STON2: variants seen among roughly 807,000 people sequenced by gnomAD.
STON2 encodes the protein stonin-2.
In STON2, 29 loss-of-function variants were observed where a neutral mutation model predicts 65.7. The observed-to-expected ratio is 0.44, with a 90% CI of 0.33 to 0.60. STON2 has a LOEUF of 0.60. STON2 is among the 20% of genes least tolerant of loss of function. The pLI, the probability that STON2 is intolerant of heterozygous loss-of-function variation, is 0.03. For synonymous variants in STON2, 404 were observed against 414.2 expected, an observed-to-expected ratio of 0.98 and a Z score of 0.30; for missense variants, 1,054 against 1,118.1, an observed-to-expected ratio of 0.94 and a Z score of 0.82.
chr14:81,319,500 C>T (rs1178935634), intron 5 of STON2, among the ~76,000 whole-genome samples: 1 of 152,104 alleles, frequency 6.6e-6, no homozygotes, highest in Non-Finnish European at 1.5e-5. Context: ...GGTTAGTTTG[C>T]TTTTGGCCAA....
chr14:81,331,359 T>C (rs564526254), intron 4 of STON2, among the ~76,000 whole-genome samples: 21 of 152,256 alleles, frequency 1.4e-4, no homozygotes, highest in African/African-American at 4.8e-4. Context: ...TTTTAATTAT[T>C]CCACTCAGAG....
intron 4 of STON2, among the ~76,000 whole-genome samples, chr14:81,364,922 T>C (rs1270563320): frequency 1.3e-5 from 2 of 152,186 alleles, no homozygotes; most frequent in African/African-American, 4.8e-5. Context: ...GGACCCTGTA[T>C]GGCAGATTCA....
chr14:81,368,181 T>C (rs978391617), intron 4 of STON2, among the ~76,000 whole-genome samples: 1 of 152,116 alleles, frequency 6.6e-6, no homozygotes, highest in African/African-American at 2.4e-5. Flanking sequence ...ATAACTATGG[T>C]GACTGTTTGG....
chr14:81,350,637 TA>T (rs1270871150), intron 4 of STON2, among the ~76,000 whole-genome samples: 1 of 152,006 alleles, frequency 6.6e-6, no homozygotes. Context: ...TTGGCTTTCT[TA>T]CCCGTAAAAT....
chr14:81,334,447 T>C lies in STON2; in HGVS notation c.572-10260A>G, dbSNP rs911319058. On this transcript the variant is annotated intron_variant, in intron 4 of 7. Transcript: ENST00000614646. ...AGCCTTGAATCATTAAGAGAAAAACTTGACCAATCTTCTAGAACCTCTAAA... is the reference window on the plus strand; with the variant it reads ...AGCCTTGAATCATTAAGAGAAAAACCTGACCAATCTTCTAGAACCTCTAAA... Among the ~76,000 whole-genome samples the C allele has an allele frequency of 3.8e-4, 58 of 152,316 alleles. 1 individual carries two copies. The highest frequency in any genetic ancestry group is 1.3e-3 in the African/African-American group (52 of 41,568).
chr14:81,428,745 C>CA (rs1204193955), intron 1 of STON2, among the ~76,000 whole-genome samples: 1 of 151,982 alleles, frequency 6.6e-6, no homozygotes, highest in African/African-American at 2.4e-5. Flanking sequence ...AAACAAAAAC[C>CA]AAAAAAACTT....
At chr14:81,329,109 C>CGA (rs528880373) in intron 4 of STON2, among the ~76,000 whole-genome samples, 176 of 152,160 alleles carry the variant, frequency 1.2e-3, no homozygotes, top group African/African-American at 3.7e-3. Context: ...CAAGTTAAGA[C>CGA]GAGGTCATAT....
Position 81,413,291 on chromosome 14 carries a change from G to A in STON2, c.-199+13811C>T. 4.3e-6 allele frequency: 6 copies of A among 1,388,536 alleles called. 1 individual carries two copies. Among genetic ancestry groups the A allele is most frequent in the Non-Finnish European group, 5.7e-6 (6 of 1,052,824 alleles). 86.0% of individuals were successfully genotyped at this position (1,388,536 alleles called of 1,614,324 possible). On this transcript the variant is annotated intron_variant, in intron 2 of 8. Transcript: ENST00000553821. ...GGTCCATCCAAAAACAAGGACTGCA[G>A]CCTAAATTCCAAATACCAGAGACTG...
chr14:81,317,173 G>A (rs1896656324), intron 5 of STON2, among the ~76,000 whole-genome samples: 2 of 152,216 alleles, frequency 1.3e-5, no homozygotes, highest in Admixed American at 1.3e-4. Context: ...CACGTGGCAA[G>A]AGAAAGAGCA....
intron 6 of STON2, among the ~76,000 whole-genome samples, chr14:81,275,118 G>T (rs532282671): frequency 6.6e-6 from 1 of 152,054 alleles, no homozygotes; most frequent in Non-Finnish European, 1.5e-5. Context: ...TAGGGTAGCC[G>T]ATAAGTCTTT....
At chr14:81,386,315 G>A (rs534291663) in intron 3 of STON2, among the ~76,000 whole-genome samples, 2 of 152,194 alleles carry the variant, frequency 1.3e-5, no homozygotes, top group African/African-American at 4.8e-5. Flanking sequence ...AAAAGGGTTG[G>A]GATATCTTAT....
At chr14:81,411,169 G>A (rs528998653) in intron 2 of STON2, among the ~76,000 whole-genome samples, 5 of 152,260 alleles carry the variant, frequency 3.3e-5, no homozygotes, top group African/African-American at 1.2e-4. Context: ...GAGGCCAATG[G>A]CAATTCAACC....
intron 5 of STON2, among the ~76,000 whole-genome samples, chr14:81,320,526 T>C (rs1291773482): frequency 6.8e-6 from 1 of 147,482 alleles, no homozygotes; most frequent in East Asian, 2.0e-4. Flanking sequence ...GCTGAAGTTT[T>C]CACTCTCATC....
intron 4 of STON2, among the ~76,000 whole-genome samples, chr14:81,328,616 T>C (rs1389189404): frequency 6.6e-6 from 1 of 152,134 alleles, no homozygotes; most frequent in East Asian, 1.9e-4. Flanking sequence ...GTTTGGATGT[T>C]TGTCCTCTCC....
At position 81,261,962 on chromosome 14, in the gene STON2, A is replaced by C; in HGVS notation, c.*6452T>G. On this transcript the variant is annotated 3_prime_UTR_variant, in exon 8 of 8. Transcript: ENST00000614646. ...GAAATGATAAAAAAAAAAAAAAAAA[A>C]GAGAGAGATGTGAAAAGGAAAAAGA... The C allele has an allele frequency of 7.1e-7, 1 of 1,416,324 alleles. No homozygotes were observed. Among genetic ancestry groups the C allele is most frequent in the Non-Finnish European group, 9.2e-7 (1 of 1,090,034 alleles). 87.7% of individuals were successfully genotyped at this position (1,416,324 alleles called of 1,614,324 possible).
At chr14:81,311,490 G>A (rs767250646) in intron 5 of STON2, among the ~76,000 whole-genome samples, 2 of 152,220 alleles carry the variant, frequency 1.3e-5, no homozygotes, top group Non-Finnish European at 2.9e-5. Context: ...ATCATACGAT[G>A]AGCCAGGTAC....
At chr14:81,392,426 C>T (rs376850041) in intron 3 of STON2, among the ~76,000 whole-genome samples, 314 of 152,240 alleles carry the variant, frequency 2.1e-3, no homozygotes, top group African/African-American at 7.3e-3. Context: ...TAAAGCCCTG[C>T]TTTACTTACC....
chr14:81,301,240 T>C (rs891468058), intron 5 of STON2, among the ~76,000 whole-genome samples: 4 of 152,204 alleles, frequency 2.6e-5, no homozygotes, highest in African/African-American at 4.8e-5. Context: ...ATACTCTATT[T>C]GTTACTAGGC....
In STON2 at chr14:81,274,208, C is replaced by T. The variant is rs547545513; in HGVS notation, c.2581+2693G>A. 6.6e-4 allele frequency among the ~76,000 whole-genome samples: 101 copies of T among 152,244 alleles called. No homozygotes were observed. In the Middle Eastern group the frequency reaches 0.01, roughly 15 times the overall value. ...CCACTGGCTAGAGAAGTATAAGAAG[C>T]CTCTTTATGGGGTTTCACTATTGAA... On this transcript the variant is annotated intron_variant, in intron 6 of 7. Coordinates refer to ENST00000614646, the MANE Select transcript of STON2 (RefSeq NM_001394390.1).
Sources: allele counts gnomAD v4.1 joint callset (sites outside exome capture counted in the v4.1 genomes callset), GRCh38; gene constraint gnomAD v4.1.1; transcripts MANE v1.5; gene names NCBI Gene and HGNC (gene_info 2026-07-23, HGNC 2026-07-21).